The following STXBP4 variants were observed in gnomAD, a reference collection of about 807,000 sequenced individuals.
STXBP4 encodes syntaxin-binding protein 4.
Under a neutral mutation model 76.1 loss-of-function variants are expected in STXBP4, and 55 were observed. The ratio of observed to expected loss-of-function variants is 0.72; its 90% CI spans 0.58 to 0.91. STXBP4 has a LOEUF of 0.91. Among genes scored for constraint, STXBP4 ranks in the 40% least tolerant of loss-of-function variants. The probability of loss-of-function intolerance (pLI) is 0.00; values close to 1 mark genes in which losing one functional copy is unlikely to be tolerated. For missense variants in STXBP4, 618 were observed against 636.9 expected, an observed-to-expected ratio of 0.97 and a Z score of 0.32; for synonymous variants, 201 against 220.2, an observed-to-expected ratio of 0.91 and a Z score of 0.77.
At chr17:55,046,459 A>G (rs1162326673) in intron 11 of STXBP4, among the ~76,000 whole-genome samples, 1 of 151,972 alleles carries the variant, frequency 6.6e-6, no homozygotes, top group African/African-American at 2.4e-5. Flanking sequence ...AATTACTCTT[A>G]GTATTTCTGA....
chr17:55,119,324 AAGT>A (rs1410796256), intron 16 of STXBP4, among the ~76,000 whole-genome samples: 1 of 152,170 alleles, frequency 6.6e-6, no homozygotes, highest in East Asian at 1.9e-4. Flanking sequence ...TACAAAAACT[AAGT>A]AGAATGCTTT....
chr17:55,133,844 G>T (rs2079998394), intron 16 of STXBP4, among the ~76,000 whole-genome samples: 1 of 152,184 alleles, frequency 6.6e-6, no homozygotes, highest in Admixed American at 6.5e-5. Flanking sequence ...AGCCTCACTA[G>T]AGTTGATTTA....
intron 12 of STXBP4, among the ~76,000 whole-genome samples, chr17:55,070,102 G>A (rs1011348801): frequency 6.6e-6 from 1 of 152,154 alleles, no homozygotes; most frequent in Non-Finnish European, 1.5e-5. Flanking sequence ...TGGCAAGGTA[G>A]TACAGCATAG....
chr17:55,159,251 CATAA>C (rs758430026), intron 17 of STXBP4, among the ~76,000 whole-genome samples: 23 of 151,880 alleles, frequency 1.5e-4, no homozygotes, highest in African/African-American at 3.6e-4. Flanking sequence ...GTCTCAAATA[CATAA>C]ATAAATAAAT....
intron 16 of STXBP4, among the ~76,000 whole-genome samples, chr17:55,133,334 C>T (rs1456880183): frequency 6.6e-6 from 1 of 151,774 alleles, no homozygotes; most frequent in East Asian, 1.9e-4. Context: ...AGCTGAGAGG[C>T]GAGGTTTGGG....
chr17:55,022,301 AT>A (rs60746470), intron 8 of STXBP4, among the ~76,000 whole-genome samples: 32,175 of 147,028 alleles, frequency 0.22, 3,589 homozygotes, highest in Middle Eastern at 0.35. Context: ...ACTTTCTGTT[AT>A]TTTTTTTTTT....
chr17:55,138,897 A>G lies in STXBP4; in HGVS notation c.1490-2413A>G, dbSNP rs1187570751. ...AGTGATTGTTTTCTATTAGTGAACT[A>G]TCACTGAGAGATTAATTACTATCAT... On this transcript the variant is annotated intron_variant, in intron 16 of 17. Transcript: ENST00000376352. 3.9e-5 allele frequency among the ~76,000 whole-genome samples: 6 copies of G among 152,208 alleles called. 1 individual carries two copies. The East Asian group carries it at 1.2e-3, about 29-fold the overall frequency.
intron 16 of STXBP4, among the ~76,000 whole-genome samples, chr17:55,112,147 TG>T (rs2145059510): frequency 6.6e-6 from 1 of 152,196 alleles, no homozygotes; most frequent in South Asian, 2.1e-4. Flanking sequence ...CTCAAACTCC[TG>T]GCCTTAAGTG....
intron 10 of STXBP4, among the ~76,000 whole-genome samples, chr17:55,035,775 T>G (rs899257465): frequency 1.3e-5 from 2 of 151,960 alleles, no homozygotes; most frequent in Non-Finnish European, 2.9e-5. Flanking sequence ...AATTACCATA[T>G]TTACCTGGGA....
intron 10 of STXBP4, among the ~76,000 whole-genome samples, chr17:55,035,822 C>T (rs2078591335): frequency 6.6e-6 from 1 of 151,884 alleles, no homozygotes; most frequent in African/African-American, 2.4e-5. Flanking sequence ...TTCTTGGCTT[C>T]ATAAGTCTTG....
At chr17:55,000,629 C>T (rs1208724383) in intron 6 of STXBP4, among the ~76,000 whole-genome samples, 179 bp from the exon 7 acceptor site, 2 of 152,134 alleles carry the variant, frequency 1.3e-5, no homozygotes, top group Admixed American at 6.5e-5. Context: ...GAGCTGAAAG[C>T]AATTGTTACC....
chr17:54,998,852 T>A (rs1224891091), intron 4 of STXBP4, among the ~76,000 whole-genome samples: 1 of 151,950 alleles, frequency 6.6e-6, no homozygotes, highest in African/African-American at 2.4e-5. Flanking sequence ...ATTTTTTTTT[T>A]TTAAAAACCC....
At chr17:55,030,015 G>A (rs994231903) in intron 8 of STXBP4, among the ~76,000 whole-genome samples, 30 of 152,196 alleles carry the variant, frequency 2.0e-4, no homozygotes, top group African/African-American at 6.5e-4. Context: ...TGATGTGATC[G>A]ACACTATATA....
chr17:54,985,804 A>T (rs1302241948), intron 2 of STXBP4, 113 bp downstream of exon 2: 1 of 157,312 alleles, frequency 6.4e-6, no homozygotes, highest in Non-Finnish European at 1.4e-5. Flanking sequence ...TTTAACTATT[A>T]TGTGATTTTT....
chr17:55,013,488 T>C (rs906626845), intron 8 of STXBP4, among the ~76,000 whole-genome samples: 2 of 152,196 alleles, frequency 1.3e-5, no homozygotes, highest in Admixed American at 1.3e-4. Context: ...TCTTAGTTGC[T>C]TTAGGGTTTT....
chr17:55,080,998 T>C (rs2079247934), intron 15 of STXBP4, 52 bp from the exon 16 acceptor site: 1 of 1,338,304 alleles, frequency 7.5e-7, no homozygotes, highest in African/African-American at 1.5e-5. Flanking sequence ...TTAGTAAAGA[T>C]AGATGTTGTT....
intron 16 of STXBP4, among the ~76,000 whole-genome samples, chr17:55,093,443 G>C (rs1255285592): frequency 2.0e-5 from 3 of 152,136 alleles, no homozygotes; most frequent in Non-Finnish European, 4.4e-5. Flanking sequence ...ATATGATTCT[G>C]TGTCACTTGA....
chr17:55,141,431 G>A, intron 17 of STXBP4, 64 bp downstream of exon 17: 2 of 1,417,390 alleles, frequency 1.4e-6, no homozygotes, highest in South Asian at 1.3e-5. Context: ...CCTGGAAGTT[G>A]CAGAATAATC....
In STXBP4 at chr17:55,026,964, T is replaced by C. The variant is rs2078427874; in HGVS notation, c.667-4204T>C. 2.0e-5 allele frequency among the ~76,000 whole-genome samples: 3 copies of C among 152,078 alleles called. No homozygotes were observed. In the South Asian group the frequency reaches 6.2e-4, roughly 32 times the overall value. On this transcript the variant is annotated intron_variant, in intron 8 of 17. Coordinates refer to ENST00000376352, the MANE Select transcript of STXBP4 (RefSeq NM_178509.6). ...GGTTCCCATCTCTATGTGAAAGTCTTATGACCTGGGGCAGTTTTGATTTTA... is the reference window on the plus strand; with the variant it reads ...GGTTCCCATCTCTATGTGAAAGTCTCATGACCTGGGGCAGTTTTGATTTTA...
Sources: allele counts gnomAD v4.1 joint callset (sites outside exome capture counted in the v4.1 genomes callset), GRCh38; gene constraint gnomAD v4.1.1; transcripts MANE v1.5; gene names NCBI Gene and HGNC (gene_info 2026-07-23, HGNC 2026-07-21).